B3GNT5: variants seen among roughly 807,000 people sequenced by gnomAD.
B3GNT5 encodes UDP-GlcNAc:betaGal beta-1,3-N-acetylglucosaminyltransferase 5, also known as lactosylceramide 1,3-N-acetyl-beta-D-glucosaminyltransferase.
Under a neutral mutation model 25.9 loss-of-function variants are expected in B3GNT5, and 11 were observed. The ratio of observed to expected loss-of-function variants is 0.42; its 90% CI spans 0.27 to 0.70. The LOEUF is 0.70. Ranked by LOEUF, B3GNT5 falls within the 30% of genes least tolerant of loss-of-function variation. B3GNT5 has a pLI of 0.23. For missense variants in B3GNT5, 385 were observed against 458.4 expected, an observed-to-expected ratio of 0.84 and a Z score of 1.46; for synonymous variants, 166 against 158.6, an observed-to-expected ratio of 1.05 and a Z score of -0.35.
In B3GNT5 at chr3:183,267,683, C is replaced by T. The variant is rs1726293416; in HGVS notation, c.-301-1815C>T. Among the ~76,000 whole-genome samples the T allele has an allele frequency of 6.6e-6, 1 of 152,206 alleles. No individual in the cohort carries two copies. ...CCCCCGAGGAAGAGAGCCTACCTTTCCATCCAAGGAAGTGTTTTACCTGTG... is the reference window on the plus strand; with the variant it reads ...CCCCCGAGGAAGAGAGCCTACCTTTTCATCCAAGGAAGTGTTTTACCTGTG... On this transcript the variant is annotated intron_variant, in intron 1 of 1. Transcript: ENST00000326505. The surrounding 1 kb of genome is among the most constrained non-coding windows in gnomAD (Gnocchi z 5.5).
At position 183,270,444 on chromosome 3, in the gene B3GNT5, C is replaced by G. The variant is rs1726653413; in HGVS notation, c.646C>G (p.Gln216Glu). 13 of 1,614,162 alleles carry G rather than the reference C, an allele frequency of 8.1e-6. No homozygotes were observed. Among genetic ancestry groups the G allele is most frequent in the Non-Finnish European group, 1.1e-5 (13 of 1,180,038 alleles). Residue 216 changes from glutamine to glutamate, a missense_variant, in exon 2 of 2, where the codon CAA (glutamine) becomes GAA (glutamate). Physicochemically the swap from Gln to Glu is conservative, Grantham distance 29 (BLOSUM62 2). Transcript: ENST00000326505. The surrounding 1 kb of genome is among the most constrained non-coding windows in gnomAD (Gnocchi z 4.5). ...YLQSLEQIGV[Q>E]DFWIGRVHRG... ...TCAAAGTTTAGAACAAATTGGTGTT[C>G]AAGACTTTTGGATTGGTCGTGTTCA...
rs1421596166 is a variant in B3GNT5 at position 183,270,903 on chromosome 3, G to T, written c.1105G>T (p.Asp369Tyr). ...TCTCCTTTGTAAAATTAGCTATGTGGACACATACCCTTGTAGGGCTGCGTT... is the reference window on the plus strand; with the variant it reads ...TCTCCTTTGTAAAATTAGCTATGTGTACACATACCCTTGTAGGGCTGCGTT... ...IILLCKISYV[D>Y]TYPCRAAFI Residue 369 changes from aspartate to tyrosine, a missense_variant, in exon 2 of 2, where the codon GAC becomes TAC. Transcript: ENST00000326505. This position sits in a 1 kb window ranked among gnomAD's most constrained non-coding sequence, Gnocchi z 4.5. The T allele has an allele frequency of 2.5e-6, 4 of 1,602,954 alleles. No homozygotes were observed. The highest frequency in any genetic ancestry group is 1.3e-5 in the African/African-American group (1 of 74,230).
At chr3:183,258,115 G>GCC (rs1426795733) in intron 1 of B3GNT5, among the ~76,000 whole-genome samples, 35 of 151,958 alleles carry the variant, frequency 2.3e-4, no homozygotes, top group East Asian at 1.9e-4. Flanking sequence ...TTACAGGCAT[G>GCC]CTCCACCACA....
Position 183,269,731 on chromosome 3 carries a change from TTC to T in B3GNT5, c.-66_-65del. The T allele has an allele frequency of 7.0e-7, 1 of 1,419,620 alleles. No individual in the cohort carries two copies. The highest frequency in any genetic ancestry group is 9.6e-7 in the Non-Finnish European group (1 of 1,043,512). The allele number at this position is 1,419,620 out of a possible 1,614,324, so 87.9% of individuals were successfully genotyped here. A position where few individuals can be genotyped will look rare whatever the true frequency, so the allele number is the denominator to read the frequency against. ...GACACCTACTCTACGAAACACGAAGTTCTATGGTCTCGAAGAAGCCCGTGCCT... is the reference window on the plus strand; with the variant it reads ...GACACCTACTCTACGAAACACGAAGTTATGGTCTCGAAGAAGCCCGTGCCT... On this transcript the variant is annotated 5_prime_UTR_variant, in exon 2 of 2. It introduces an in-frame stop codon into an upstream open reading frame of the 5' UTR. Transcript: ENST00000326505.
intron 1 of B3GNT5, among the ~76,000 whole-genome samples, chr3:183,258,009 C>G (rs1422658571): frequency 7.8e-6 from 1 of 127,870 alleles, no homozygotes; most frequent in African/African-American, 3.2e-5. Context: ...GCTCTGTTGC[C>G]CAGGCTGGAG....
intron 1 of B3GNT5, among the ~76,000 whole-genome samples, chr3:183,260,249 G>A (rs1413432001): frequency 6.6e-6 from 1 of 152,116 alleles, no homozygotes; most frequent in Non-Finnish European, 1.5e-5. Flanking sequence ...GGCTTAAAGA[G>A]CTACCACATT....
intron 1 of B3GNT5, chr3:183,265,171 A>T (rs1488336452): frequency 2.0e-5 from 3 of 152,210 alleles, no homozygotes; most frequent in African/African-American, 7.2e-5. Context: ...TTGCAGATTA[A>T]AGCACCGAAT....
At chr3:183,255,838 C>T (rs192344331) in intron 1 of B3GNT5, among the ~76,000 whole-genome samples, 8 of 150,924 alleles carry the variant, frequency 5.3e-5, no homozygotes, top group African/African-American at 1.5e-4. Flanking sequence ...AGAAAACTTT[C>T]TAATTCTCAA....
rs1726754901 is a variant in B3GNT5 at position 183,271,252 on chromosome 3, A to ATGTT, written c.*318_*321dup. ...GTAGAGATGTTATTAAGAAGTTTTG[A>ATGTT]TGTTAGAATAATTGCTTTTGGAAAA... On this transcript the variant is annotated 3_prime_UTR_variant, in exon 2 of 2. Transcript: ENST00000326505. 2 of 197,554 alleles carry ATGTT rather than the reference A, an allele frequency of 1.0e-5. No individual in the cohort carries two copies. Among genetic ancestry groups the ATGTT allele is most frequent in the Non-Finnish European group, 2.3e-5 (2 of 88,804 alleles). 12.2% of individuals were successfully genotyped at this position (197,554 alleles called of 1,614,324 possible).
intron 1 of B3GNT5, among the ~76,000 whole-genome samples, chr3:183,257,059 C>T (rs1467713043): frequency 3.3e-5 from 5 of 151,636 alleles, no homozygotes; most frequent in Admixed American, 3.3e-4. Flanking sequence ...AGAAAAAAAC[C>T]TGAAAAAAAA....
chr3:183,262,723 G>A (rs1042092729), intron 1 of B3GNT5, among the ~76,000 whole-genome samples: 32 of 151,508 alleles, frequency 2.1e-4, no homozygotes, highest in African/African-American at 7.0e-4. Context: ...CAGGGTGGGG[G>A]GGACAGAGCC....
chr3:183,264,877 A>C (rs1725948193), intron 1 of B3GNT5, among the ~76,000 whole-genome samples: 1 of 152,214 alleles, frequency 6.6e-6, no homozygotes, highest in Non-Finnish European at 1.5e-5. Context: ...TAGACTGAAA[A>C]GTATTTGGGA....
At position 183,270,208 on chromosome 3, in the gene B3GNT5, T is replaced by G; in HGVS notation, c.410T>G (p.Leu137Arg). The G allele has an allele frequency of 6.2e-7, 1 of 1,614,190 alleles. No individual in the cohort carries two copies. The highest frequency in any genetic ancestry group is 1.1e-5 in the South Asian group (1 of 91,078). Residue 137 changes from leucine (L) to arginine (R), a missense_variant, in exon 2 of 2, where the codon CTG becomes CGG. Physicochemically the swap from Leu to Arg is moderately radical, Grantham distance 102 (BLOSUM62 -2). Transcript: ENST00000326505. This position sits in a 1 kb window ranked among gnomAD's most constrained non-coding sequence, Gnocchi z 4.5. ...TTTGCCTTAGGAACTCCTAATCCAC[T>G]GGAGGGAGAAGAACTACAAAGAAAA... is the stretch of plus-strand genomic sequence containing the variant. ...TLFALGTPNP[L>R]EGEELQRKLA...
intron 1 of B3GNT5, among the ~76,000 whole-genome samples, chr3:183,266,303 G>A (rs1409271338): frequency 6.6e-6 from 1 of 152,222 alleles, no homozygotes. Flanking sequence ...GGGCACAGCT[G>A]CTCAGGAATA....
rs1361131335 is a variant in B3GNT5, at chr3:183,270,766, A to T, written c.968A>T (p.His323Leu). ...PCIYEKMMTS[H>L]GHLEDLQDLW... ...ATCTATGAAAAAATGATGACATCTCATGGACACTTAGAAGATCTCCAGGAC... is the reference window on the plus strand; with the variant it reads ...ATCTATGAAAAAATGATGACATCTCTTGGACACTTAGAAGATCTCCAGGAC... The change falls in exon 2 of 2, where the codon CAT becomes CTT. Residue 323 changes from histidine to leucine, a missense_variant. Coordinates refer to ENST00000326505, the MANE Select transcript of B3GNT5 (RefSeq NM_032047.5). This position sits in a 1 kb window ranked among gnomAD's most constrained non-coding sequence, Gnocchi z 4.5. 1 of 1,613,824 alleles carries T rather than the reference A, an allele frequency of 6.2e-7. No homozygotes were observed. Among genetic ancestry groups the T allele is most frequent in the Non-Finnish European group, 8.5e-7 (1 of 1,179,862 alleles).
In B3GNT5 at chr3:183,271,664, C is replaced by T. The variant is rs961895959; in HGVS notation, c.*729C>T. The T allele has an allele frequency of 1.8e-5, 3 of 166,840 alleles. No homozygotes were observed. The highest frequency in any genetic ancestry group is 6.5e-5 in the Admixed American group (1 of 15,270). The allele number at this position is 166,840 out of a possible 1,614,324, so 10.3% of individuals were successfully genotyped here. ...AAGTATTAGAAAATGACACATAACACGGGCAGCTGGTTGCTCATAGGGTCC... is the reference window on the plus strand; with the variant it reads ...AAGTATTAGAAAATGACACATAACATGGGCAGCTGGTTGCTCATAGGGTCC... On this transcript the variant is annotated 3_prime_UTR_variant, in exon 2 of 2. Transcript: ENST00000326505.
At chr3:183,261,466 G>GT (rs1300431774) in intron 1 of B3GNT5, among the ~76,000 whole-genome samples, 1 of 152,096 alleles carries the variant, frequency 6.6e-6, no homozygotes, top group Non-Finnish European at 1.5e-5. Flanking sequence ...AGTAATAAAA[G>GT]TTTAAATGTA....
chr3:183,268,863 A>C (rs1448035539), intron 1 of B3GNT5, among the ~76,000 whole-genome samples: 1 of 152,184 alleles, frequency 6.6e-6, no homozygotes, highest in Non-Finnish European at 1.5e-5. Flanking sequence ...CCAGTTTAGA[A>C]CATGTTACAT....
At position 183,272,047 on chromosome 3, in the gene B3GNT5, A is replaced by C; in HGVS notation, c.*1112A>C. The C allele has an allele frequency of 1.7e-6, 1 of 575,764 alleles. No individual in the cohort carries two copies. The highest frequency in any genetic ancestry group is 2.3e-6 in the Non-Finnish European group (1 of 442,420). The allele number at this position is 575,764 out of a possible 1,614,324, so 35.7% of individuals were successfully genotyped here. ...TATCTAAAACAATTTATTTTTCATC[A>C]ATAACTGTCAGAGGTGATCTTTATT... On this transcript the variant is annotated 3_prime_UTR_variant, in exon 2 of 2. Coordinates refer to ENST00000326505, the MANE Select transcript of B3GNT5 (RefSeq NM_032047.5).
Sources: allele counts gnomAD v4.1 joint callset (sites outside exome capture counted in the v4.1 genomes callset), GRCh38; gene constraint gnomAD v4.1.1; non-coding constraint Gnocchi (gnomAD v3.1); transcripts MANE v1.5; gene names NCBI Gene and HGNC (gene_info 2026-07-23, HGNC 2026-07-21).